RFX4: variants seen among roughly 807,000 people sequenced by gnomAD.
RFX4 encodes transcription factor RFX4.
A neutral mutation model predicts 95.0 loss-of-function variants in RFX4; 10 were observed. The observed-to-expected ratio is 0.11, with a 90% CI of 0.06 to 0.18. The LOEUF is 0.18. Ranked by LOEUF, RFX4 falls within the 10% of genes least tolerant of loss-of-function variation. The pLI is 1.00. For missense variants in RFX4, 640 were observed against 922.0 expected, an observed-to-expected ratio of 0.69 and a Z score of 3.96; for synonymous variants, 321 against 340.7, an observed-to-expected ratio of 0.94 and a Z score of 0.64.
chr12:106,687,159 C>G, intron 6 of RFX4, 62 bp downstream of exon 6: 1 of 1,181,280 alleles, frequency 8.5e-7, no homozygotes, highest in Non-Finnish European at 1.2e-6. Context: ...CTCTCTCTCT[C>G]TGTCTCTATC....
rs2042622767 is a variant in RFX4 at position 106,732,052 on chromosome 12, CTTG to C, written c.1352-76_1352-74del. On this transcript the variant is annotated intron_variant, in intron 13 of 17. Coordinates refer to ENST00000392842, the MANE Select transcript of RFX4 (RefSeq NM_213594.3). ...GCAGAGCATTTAGAACACTGTGTAA[CTTG>C]TGCAGTTGACCAGACAGAGGGGGCA... 4 of 1,571,170 alleles carry C rather than the reference CTTG, an allele frequency of 2.5e-6. No individual in the cohort carries two copies. The African/African-American group carries it at 5.4e-5, about 21-fold the overall frequency.
intron 10 of RFX4, among the ~76,000 whole-genome samples, chr12:106,713,965 G>T (rs1044174329): frequency 2.7e-5 from 4 of 150,546 alleles, no homozygotes; most frequent in Admixed American, 2.0e-4. Context: ...AGCTACTAGG[G>T]AGGCTGAGGC....
At chr12:106,667,046 G>A (rs2041190811) in intron 4 of RFX4, among the ~76,000 whole-genome samples, 1 of 151,932 alleles carries the variant, frequency 6.6e-6, no homozygotes, top group African/African-American at 2.4e-5. Flanking sequence ...TGTTGGTGGG[G>A]GAAGCAATCT....
chr12:106,679,497 T>C (rs1399508433), intron 4 of RFX4, among the ~76,000 whole-genome samples: 1 of 152,030 alleles, frequency 6.6e-6, no homozygotes, highest in South Asian at 2.1e-4. Context: ...AATACTTTAC[T>C]GTTGTGTCCA....
chr12:106,629,913 G>A (rs1055715453), intron 2 of RFX4, among the ~76,000 whole-genome samples: 2 of 152,194 alleles, frequency 1.3e-5, no homozygotes, highest in African/African-American at 2.4e-5. Context: ...CTGCAAGGTC[G>A]GAGGGTGCCT....
At chr12:106,587,027 C>T (rs1472410382) in intron 1 of RFX4, among the ~76,000 whole-genome samples, 1 of 152,230 alleles carries the variant, frequency 6.6e-6, no homozygotes, top group East Asian at 1.9e-4. Context: ...TCTCTGCCAC[C>T]TGCTAAGCGC....
At chr12:106,751,231 C>A (rs1041085709) in intron 17 of RFX4, among the ~76,000 whole-genome samples, 5 of 151,394 alleles carry the variant, frequency 3.3e-5, no homozygotes, top group African/African-American at 1.2e-4. Context: ...ATGATGATTT[C>A]CAATTTCATC....
chr12:106,611,255 A>G (rs1423060836), intron 2 of RFX4, among the ~76,000 whole-genome samples: 1 of 152,090 alleles, frequency 6.6e-6, no homozygotes, highest in Non-Finnish European at 1.5e-5. Flanking sequence ...CTCCTATTCC[A>G]TGGGTTGCCT....
At chr12:106,696,477 G>A (rs747968323) in intron 8 of RFX4, 31 bp downstream of exon 8, 27 of 1,612,260 alleles carry the variant, frequency 1.7e-5, no homozygotes, top group South Asian at 5.5e-5. Context: ...CTTCCTTCAC[G>A]GCTGGTCCAC....
chr12:106,583,270 C>A lies in RFX4; in HGVS notation c.-51C>A, dbSNP rs375552773. 4.6e-6 allele frequency: 6 copies of A among 1,302,510 alleles called. No individual in the cohort carries two copies. In the African/African-American group the frequency reaches 7.8e-5, roughly 17 times the overall value. 80.7% of individuals were successfully genotyped at this position (1,302,510 alleles called of 1,614,324 possible). On this transcript the variant is annotated 5_prime_UTR_variant, in exon 1 of 18. Coordinates refer to ENST00000392842, the MANE Select transcript of RFX4 (RefSeq NM_213594.3). ...CCTGGGCATCTCTAGCACAGGGGAT[C>A]CCCAAACATCAGGACTTTTGGGGGG...
intron 15 of RFX4, 95 bp from the exon 16 acceptor site, chr12:106,747,342 C>T: frequency 4.2e-6 from 6 of 1,422,130 alleles, no homozygotes; most frequent in South Asian, 1.3e-5. Context: ...AGATTTTGGC[C>T]TTCAACTTAA....
intron 8 of RFX4, among the ~76,000 whole-genome samples, chr12:106,698,119 T>C (rs1012862737): frequency 2.6e-5 from 4 of 151,854 alleles, no homozygotes; most frequent in Non-Finnish European, 5.9e-5. Flanking sequence ...ATTACAGGTG[T>C]GCACCACCAT....
At chr12:106,665,483 C>T (rs533429231) in intron 4 of RFX4, among the ~76,000 whole-genome samples, 15 of 151,904 alleles carry the variant, frequency 9.9e-5, no homozygotes, top group Middle Eastern at 6.8e-3. Flanking sequence ...CCATGATCTT[C>T]GAAGTAATTA....
intron 8 of RFX4, among the ~76,000 whole-genome samples, chr12:106,701,052 T>C (rs942615976): frequency 1.3e-5 from 2 of 152,248 alleles, no homozygotes; most frequent in Non-Finnish European, 2.9e-5. Context: ...TTTTCTTTAA[T>C]GTTTCTCATA....
intron 13 of RFX4, among the ~76,000 whole-genome samples, chr12:106,731,322 C>T (rs1040501010): frequency 6.6e-5 from 10 of 152,134 alleles, no homozygotes; most frequent in South Asian, 2.1e-4. Flanking sequence ...ATCTATTAAT[C>T]GTGTCATCTT....
intron 2 of RFX4, among the ~76,000 whole-genome samples, chr12:106,628,762 C>CTTTT (rs397850563): frequency 5.3e-5 from 7 of 133,270 alleles, no homozygotes; most frequent in South Asian, 2.4e-4. Flanking sequence ...ATATATGTTC[C>CTTTT]TTTTTTTTTT....
intron 6 of RFX4, among the ~76,000 whole-genome samples, chr12:106,687,431 G>C (rs962499202): frequency 6.6e-6 from 1 of 151,640 alleles, no homozygotes; most frequent in Non-Finnish European, 1.5e-5. Context: ...GTGGGCACCT[G>C]TAATTCCAGC....
chr12:106,658,537 G>T (rs1419522728), intron 4 of RFX4, among the ~76,000 whole-genome samples: 3 of 152,176 alleles, frequency 2.0e-5, no homozygotes, highest in Non-Finnish European at 2.9e-5. Context: ...TTGTGGCTCA[G>T]AATTTGCTCT....
intron 4 of RFX4, among the ~76,000 whole-genome samples, chr12:106,674,744 A>G (rs2041358115): frequency 6.6e-6 from 1 of 152,224 alleles, no homozygotes; most frequent in African/African-American, 2.4e-5. Flanking sequence ...TCACACTAGA[A>G]TGTAAGCTTC....
Sources: gnomAD v4.1 joint callset for allele counts (sites outside exome capture counted in the v4.1 genomes callset) on GRCh38, gnomAD v4.1.1 for gene constraint, MANE v1.5 for transcripts, NCBI Gene and HGNC (gene_info 2026-07-23, HGNC 2026-07-21) for gene names.